The following PPARGC1A variants were observed in gnomAD, a reference collection of about 807,000 sequenced individuals.
The protein encoded by PPARGC1A is PPARG coactivator 1 alpha, also known as peroxisome proliferator-activated receptor gamma coactivator 1-alpha.
A neutral mutation model predicts 88.7 loss-of-function variants in PPARGC1A; 25 were observed. The ratio of observed to expected loss-of-function variants is 0.28; its 90% CI spans 0.21 to 0.39. The LOEUF (loss-of-function observed/expected upper bound fraction) is 0.39, where lower values mean the gene tolerates loss of function less well. PPARGC1A is among the 10% of genes least tolerant of loss of function. The pLI is 1.00. For synonymous variants in PPARGC1A, 363 were observed against 355.6 expected (o/e 1.02, Z -0.24); for missense variants, 880 against 968.7 (o/e 0.91, Z 1.22).
the PPARGC1A span, among the ~76,000 whole-genome samples, chr4:24,165,241 T>C: frequency 6.6e-5 from 10 of 152,176 alleles, no homozygotes; most frequent in Non-Finnish European, 1.2e-4. Flanking sequence ...GTATTTGGGA[T>C]CCTGTGCTTG....
chr4:24,140,361 C>T, the PPARGC1A span, among the ~76,000 whole-genome samples: 1 of 152,184 alleles, frequency 6.6e-6, no homozygotes, highest in Non-Finnish European at 1.5e-5. Flanking sequence ...ATCACAGGCT[C>T]TGTAATCACA....
At chr4:24,295,432 A>T in the PPARGC1A span, among the ~76,000 whole-genome samples, 1 of 152,140 alleles carries the variant, frequency 6.6e-6, no homozygotes, top group Admixed American at 6.5e-5. Flanking sequence ...ATAGATGAAT[A>T]CAAAATTAAG....
chr4:24,339,549 C>T, the PPARGC1A span, among the ~76,000 whole-genome samples: 9 of 152,058 alleles, frequency 5.9e-5, no homozygotes, highest in African/African-American at 2.2e-4. Flanking sequence ...TTGTTCCCTG[C>T]GCTCAATTAA....
chr4:23,972,956 T>C, the PPARGC1A span, among the ~76,000 whole-genome samples: 1 of 152,206 alleles, frequency 6.6e-6, no homozygotes, highest in African/African-American at 2.4e-5. Flanking sequence ...TGATGTTAGT[T>C]TGAGAATCCC....
the PPARGC1A span, among the ~76,000 whole-genome samples, chr4:24,147,627 A>C: frequency 6.6e-6 from 1 of 152,152 alleles, no homozygotes; most frequent in Non-Finnish European, 1.5e-5. Flanking sequence ...ACCAATGGCC[A>C]ATTAGCTCAA....
At chr4:24,317,516 T>C in the PPARGC1A span, among the ~76,000 whole-genome samples, 1 of 120,958 alleles carries the variant, frequency 8.3e-6, no homozygotes, top group African/African-American at 3.3e-5. Flanking sequence ...AAAGCCCTCA[T>C]AGCAGAGGTG....
upstream of PPARGC1A, among the ~76,000 whole-genome samples, chr4:23,902,441 T>C (rs1053464657): frequency 6.6e-6 from 1 of 152,230 alleles, no homozygotes; most frequent in Non-Finnish European, 1.5e-5. Context: ...TCAGCCTGCA[T>C]GGCCCTGTAT....
At chr4:24,072,868 G>C in the PPARGC1A span, among the ~76,000 whole-genome samples, 1 of 151,978 alleles carries the variant, frequency 6.6e-6, no homozygotes, top group Non-Finnish European at 1.5e-5. Context: ...AGCAAGAATA[G>C]TGTTCCTTTA....
the PPARGC1A span, among the ~76,000 whole-genome samples, chr4:24,037,032 T>C: frequency 1.3e-5 from 2 of 152,160 alleles, no homozygotes; most frequent in East Asian, 3.9e-4. Flanking sequence ...GATACAAACA[T>C]TGTCAAATAA....
At chr4:24,459,757 A>G in the PPARGC1A span, among the ~76,000 whole-genome samples, 2 of 152,232 alleles carry the variant, frequency 1.3e-5, no homozygotes, top group African/African-American at 4.8e-5. Context: ...CGCCGCTGAA[A>G]TCCAGCATGA....
chr4:23,812,704 A>G, intron 10 of PPARGC1A, 43 bp downstream of exon 10: 4 of 1,608,662 alleles, frequency 2.5e-6, no homozygotes, highest in Non-Finnish European at 3.4e-6. Flanking sequence ...CAGAAAAAGA[A>G]GAAACCCTAC....
At chr4:24,007,253 T>G in the PPARGC1A span, among the ~76,000 whole-genome samples, 2 of 152,124 alleles carry the variant, frequency 1.3e-5, no homozygotes, top group African/African-American at 4.8e-5. Context: ...TCTCTCACAC[T>G]TTTTCATTCT....
the PPARGC1A span, among the ~76,000 whole-genome samples, chr4:24,140,282 A>C: frequency 6.6e-6 from 1 of 152,230 alleles, no homozygotes; most frequent in Non-Finnish European, 1.5e-5. Flanking sequence ...GGCAGAGATA[A>C]AGGTGGGGAC....
At chr4:24,329,976 A>G in the PPARGC1A span, among the ~76,000 whole-genome samples, 1 of 152,194 alleles carries the variant, frequency 6.6e-6, no homozygotes, top group Non-Finnish European at 1.5e-5. Flanking sequence ...CCTTCCCATC[A>G]GGGCTGTACC....
chr4:24,455,621 G>A, the PPARGC1A span, among the ~76,000 whole-genome samples: 3 of 152,250 alleles, frequency 2.0e-5, no homozygotes, highest in Non-Finnish European at 4.4e-5. Flanking sequence ...ACAGTGTTGA[G>A]TGTTTAAGAG....
chr4:24,040,790 T>C, the PPARGC1A span, among the ~76,000 whole-genome samples: 1 of 152,210 alleles, frequency 6.6e-6, no homozygotes, highest in African/African-American at 2.4e-5. Context: ...TCTAACATTT[T>C]AGCAAAATGT....
At chr4:24,468,405 T>C in the PPARGC1A span, among the ~76,000 whole-genome samples, 1 of 152,154 alleles carries the variant, frequency 6.6e-6, no homozygotes, top group South Asian at 2.1e-4. Context: ...ATTGAAGAAA[T>C]GAATTCCACC....
At chr4:24,122,520 TATTTTAACTCATCCCATCATTCAGCACAC>T in the PPARGC1A span, among the ~76,000 whole-genome samples, 1 of 151,862 alleles carries the variant, frequency 6.6e-6, no homozygotes, top group African/African-American at 2.4e-5. Context: ...GGCTACACTT[TATTTTAACTCATCCCATCATTCAGCACAC>T]ATTTAATGAG....
the PPARGC1A span, among the ~76,000 whole-genome samples, chr4:24,106,811 C>T: frequency 1.3e-5 from 2 of 152,214 alleles, no homozygotes; most frequent in Non-Finnish European, 2.9e-5. Context: ...CTGCCAGCCC[C>T]CAGCTGACCC....
Sources: allele counts gnomAD v4.1 joint callset (sites outside exome capture counted in the v4.1 genomes callset), GRCh38; gene constraint gnomAD v4.1.1; transcripts MANE v1.5; gene names NCBI Gene and HGNC (gene_info 2026-07-23, HGNC 2026-07-21).